The following TMEM132D variants were observed in gnomAD, a reference collection of about 807,000 sequenced individuals.
TMEM132D encodes the protein mature OL transmembrane protein.
Under a neutral mutation model 62.3 loss-of-function variants are expected in TMEM132D, and 21 were observed. The observed-to-expected ratio is 0.34, with a 90% CI of 0.24 to 0.49. The LOEUF (loss-of-function observed/expected upper bound fraction) is 0.49. Among genes scored for constraint, TMEM132D ranks in the 20% least tolerant of loss-of-function variants. The probability of loss-of-function intolerance (pLI) is 0.99; values close to 1 mark genes in which losing one functional copy is unlikely to be tolerated. For synonymous variants in TMEM132D, 621 were observed against 575.6 expected (o/e 1.08, Z -1.13); for missense variants, 1,346 against 1,402.8 (o/e 0.96, Z 0.65).
chr12:129,696,047 C>G (rs1328568053), intron 2 of TMEM132D, among the ~76,000 whole-genome samples: 1 of 152,170 alleles, frequency 6.6e-6, no homozygotes, highest in Non-Finnish European at 1.5e-5. Context: ...AACACAGGTT[C>G]AAAGGTTACA....
chr12:129,822,448 G>A (rs1418368047), intron 1 of TMEM132D, among the ~76,000 whole-genome samples: 2 of 152,196 alleles, frequency 1.3e-5, no homozygotes, highest in Non-Finnish European at 2.9e-5. Context: ...TCCCCAGGGA[G>A]TCACACAGGA....
chr12:129,431,859 T>G (rs1052854549), intron 3 of TMEM132D, among the ~76,000 whole-genome samples: 1 of 152,316 alleles, frequency 6.6e-6, no homozygotes, highest in African/African-American at 2.4e-5. Flanking sequence ...ACTGGCTTTC[T>G]TGCTTTCCTT....
intron 2 of TMEM132D, among the ~76,000 whole-genome samples, chr12:129,610,710 C>T (rs1215160936): frequency 1.3e-5 from 2 of 151,354 alleles, no homozygotes; most frequent in Non-Finnish European, 2.9e-5. Context: ...CCTTGAATTA[C>T]AAGCAAGTAA....
intron 3 of TMEM132D, among the ~76,000 whole-genome samples, chr12:129,457,364 C>G (rs993770210): frequency 2.1e-5 from 3 of 145,656 alleles, no homozygotes; most frequent in Non-Finnish European, 4.5e-5. Context: ...ACCGCATGTT[C>G]TCACTCATAG....
intron 4 of TMEM132D, 63 bp downstream of exon 4, chr12:129,337,571 C>A (rs112209339): frequency 1.0e-5 from 16 of 1,592,956 alleles, no homozygotes; most frequent in African/African-American, 9.4e-5. Flanking sequence ...GGACTCAGTG[C>A]GGCGCCGGCG....
At chr12:129,678,112 T>A (rs943281552) in intron 2 of TMEM132D, among the ~76,000 whole-genome samples, 1 of 152,032 alleles carries the variant, frequency 6.6e-6, no homozygotes, top group African/African-American at 2.4e-5. Context: ...TTTGTTGATA[T>A]AAACAGTGCT....
intron 1 of TMEM132D, among the ~76,000 whole-genome samples, chr12:129,895,964 T>C (rs989767444): frequency 4.3e-5 from 5 of 117,576 alleles, no homozygotes; most frequent in Non-Finnish European, 6.7e-5. Flanking sequence ...TCTGTCTCTC[T>C]TTTTTTTTTT....
At chr12:129,185,129 G>T (rs1878186154) in intron 5 of TMEM132D, among the ~76,000 whole-genome samples, 1 of 152,096 alleles carries the variant, frequency 6.6e-6, no homozygotes, top group Non-Finnish European at 1.5e-5. Context: ...GAACTGAAAG[G>T]TTAGAATTCC....
At chr12:129,233,982 A>G (rs1879715763) in intron 4 of TMEM132D, among the ~76,000 whole-genome samples, 1 of 152,220 alleles carries the variant, frequency 6.6e-6, no homozygotes. Context: ...ACATATCCTG[A>G]CTTTCAAACC....
chr12:129,676,406 G>C (rs761692035), intron 2 of TMEM132D, among the ~76,000 whole-genome samples: 1 of 151,718 alleles, frequency 6.6e-6, no homozygotes, highest in Non-Finnish European at 1.5e-5. Context: ...AGTCTGTTTT[G>C]CGTTGCTATA....
intron 3 of TMEM132D, among the ~76,000 whole-genome samples, chr12:129,410,534 A>G (rs553935050): frequency 2.0e-5 from 3 of 151,926 alleles, no homozygotes; most frequent in South Asian, 4.2e-4. Context: ...TAATTTTTGT[A>G]TTTTTAGTAC....
intron 1 of TMEM132D, among the ~76,000 whole-genome samples, chr12:129,899,339 GGAT>G (rs1284230757): frequency 2.3e-5 from 3 of 132,602 alleles, no homozygotes; most frequent in East Asian, 4.0e-4. Context: ...ATGGATGGAT[GGAT>G]GATGGATGGA....
At chr12:129,855,179 G>A (rs76966694) in intron 1 of TMEM132D, among the ~76,000 whole-genome samples, 1 of 99,432 alleles carries the variant, frequency 1.0e-5, no homozygotes, top group Non-Finnish European at 2.2e-5. Flanking sequence ...GAGTCCGGGG[G>A]AACGGGATGG....
chr12:129,632,299 C>A (rs975594290), intron 2 of TMEM132D, among the ~76,000 whole-genome samples: 2 of 152,170 alleles, frequency 1.3e-5, no homozygotes, highest in Non-Finnish European at 2.9e-5. Flanking sequence ...CAAGTGCCTA[C>A]GGCTTGCTTA....
intron 5 of TMEM132D, among the ~76,000 whole-genome samples, chr12:129,154,304 G>T (rs1157746103): frequency 3.9e-5 from 6 of 152,210 alleles, no homozygotes; most frequent in African/African-American, 1.4e-4. Flanking sequence ...TCACGTCAGA[G>T]TGCTGCCTTC....
At chr12:129,747,849 CAG>C (rs1869862816) in intron 1 of TMEM132D, among the ~76,000 whole-genome samples, 9 of 84,138 alleles carry the variant, frequency 1.1e-4, no homozygotes, top group South Asian at 4.9e-4. Context: ...CAGACACACA[CAG>C]ACACACACAC....
In TMEM132D at chr12:129,277,654, C is replaced by G. The variant is rs2135606378; in HGVS notation, c.1299+59980G>C. On this transcript the variant is annotated intron_variant, in intron 4 of 8. Coordinates refer to ENST00000422113, the MANE Select transcript of TMEM132D (RefSeq NM_133448.3). The surrounding 1 kb of genome is among the most constrained non-coding windows in gnomAD (Gnocchi z 4.2). ...AAAGATTACATTTGAAAGTTAGAAA[C>G]AAATTTAGTATCTCAATTTTTTAAA... 6.6e-6 allele frequency among the ~76,000 whole-genome samples: 1 copy of G among 152,252 alleles called. No individual in the cohort carries two copies. Among genetic ancestry groups the G allele is most frequent in the South Asian group, 2.1e-4 (1 of 4,826 alleles).
intron 5 of TMEM132D, among the ~76,000 whole-genome samples, chr12:129,090,779 T>C (rs1443062731): frequency 6.6e-6 from 1 of 152,214 alleles, no homozygotes; most frequent in African/African-American, 2.4e-5. Context: ...TAGCATCGCT[T>C]GAGAATTCAG....
chr12:129,733,165 C>T (rs927699122), intron 1 of TMEM132D, among the ~76,000 whole-genome samples: 2 of 152,132 alleles, frequency 1.3e-5, no homozygotes, highest in Non-Finnish European at 2.9e-5. Flanking sequence ...AATTATCAAA[C>T]CTGAAGGGGT....
Sources: allele counts gnomAD v4.1 joint callset (sites outside exome capture counted in the v4.1 genomes callset), GRCh38; gene constraint gnomAD v4.1.1; non-coding constraint Gnocchi (gnomAD v3.1); transcripts MANE v1.5; gene names NCBI Gene and HGNC (gene_info 2026-07-23, HGNC 2026-07-21).